Variants in SAMD12 observed in about 807,000 individuals in gnomAD.
SAMD12 encodes sterile alpha motif domain containing 12, also known as sterile alpha motif domain-containing protein 12.
In SAMD12, 9 loss-of-function variants were observed where a neutral mutation model predicts 15.0. The ratio of observed to expected loss-of-function variants is 0.60; its 90% CI spans 0.36 to 1.05. SAMD12 has a LOEUF of 1.05. Ranked by LOEUF, SAMD12 falls within the 50% of genes least tolerant of loss-of-function variation. The probability of loss-of-function intolerance (pLI) is 0.01; values close to 1 mark genes in which losing one functional copy is unlikely to be tolerated. For synonymous variants in SAMD12, 86 were observed against 90.1 expected, an observed-to-expected ratio of 0.96 and a Z score of 0.25; for missense variants, 230 against 234.2, an observed-to-expected ratio of 0.98 and a Z score of 0.12.
At chr8:118,482,271 A>T (rs536898803) in intron 2 of SAMD12, among the ~76,000 whole-genome samples, 1 of 152,336 alleles carries the variant, frequency 6.6e-6, no homozygotes, top group East Asian at 1.9e-4. Context: ...TAGTCATTTC[A>T]ATCTTTGCCC....
chr8:118,504,472 T>TG (rs1397711523), intron 2 of SAMD12, among the ~76,000 whole-genome samples: 1 of 152,116 alleles, frequency 6.6e-6, no homozygotes, highest in East Asian at 1.9e-4. Flanking sequence ...TCTAAAAGGT[T>TG]GGGGGTGACC....
chr8:118,297,090 C>A (rs3849851), intron 4 of SAMD12, among the ~76,000 whole-genome samples: 58,673 of 151,964 alleles, frequency 0.39, 14,148 homozygotes, highest in African/African-American at 0.69. Context: ...GATATATTAA[C>A]TATGAGGCCT....
intron 4 of SAMD12, among the ~76,000 whole-genome samples, chr8:118,371,297 G>T (rs1485261820): frequency 6.6e-6 from 1 of 152,172 alleles, no homozygotes; most frequent in African/African-American, 2.4e-5. Context: ...TCTGGCAATA[G>T]AAGTGGGAAG....
chr8:118,204,383 C>T (rs1044966077), intron 4 of SAMD12, among the ~76,000 whole-genome samples: 2 of 152,122 alleles, frequency 1.3e-5, no homozygotes, highest in African/African-American at 2.4e-5. Context: ...CGAAGAGAAG[C>T]GGGATCGGGA....
At chr8:118,384,690 T>C (rs1211865052) in intron 3 of SAMD12, among the ~76,000 whole-genome samples, 2 of 152,194 alleles carry the variant, frequency 1.3e-5, no homozygotes, top group African/African-American at 4.8e-5. Context: ...CTATTTTTTC[T>C]TTAGAGAGCA....
chr8:118,305,731 TG>T (rs1011609496), intron 4 of SAMD12, among the ~76,000 whole-genome samples: 1 of 152,192 alleles, frequency 6.6e-6, no homozygotes, highest in Admixed American at 6.5e-5. Flanking sequence ...AACTTGGGTT[TG>T]GGTGTTGCTC....
intron 2 of SAMD12, among the ~76,000 whole-genome samples, chr8:118,540,045 T>TAACTG (rs1182958507): frequency 3.9e-5 from 6 of 152,236 alleles, no homozygotes; most frequent in African/African-American, 1.4e-4. Context: ...TTGCTTATGT[T>TAACTG]AACTGGCAGG....
chr8:118,522,055 C>A (rs1308775631), intron 2 of SAMD12, among the ~76,000 whole-genome samples: 1 of 152,088 alleles, frequency 6.6e-6, no homozygotes, highest in African/African-American at 2.4e-5. Context: ...ACCATTCCCA[C>A]AATTGTGAGC....
In SAMD12 at chr8:118,486,303, C is replaced by T. The variant is rs1824281848; in HGVS notation, c.193-46342G>A. Reference sequence around the variant, plus strand: ...TAGTGGTGGGCGCCTGTAGTCCCAGCTACTCGGGAGGCTGAGGCAGGAGAA... The same window carrying T: ...TAGTGGTGGGCGCCTGTAGTCCCAGTTACTCGGGAGGCTGAGGCAGGAGAA... On this transcript the variant is annotated intron_variant, in intron 2 of 3. Coordinates refer to ENST00000314727, the MANE Select transcript of SAMD12 (RefSeq NM_207506.3). 2.0e-5 allele frequency among the ~76,000 whole-genome samples: 3 copies of T among 150,930 alleles called. No individual in the cohort carries two copies. In the South Asian group the frequency reaches 6.4e-4, roughly 32 times the overall value.
the SAMD12 span, among the ~76,000 whole-genome samples, chr8:118,174,677 A>G: frequency 6.6e-6 from 1 of 152,298 alleles, no homozygotes; most frequent in African/African-American, 2.4e-5. Flanking sequence ...AAGCAAGATA[A>G]AAAGGTAAAA....
chr8:118,392,269 A>G (rs1003494844), intron 3 of SAMD12, among the ~76,000 whole-genome samples: 3 of 152,134 alleles, frequency 2.0e-5, no homozygotes, highest in African/African-American at 7.2e-5. Flanking sequence ...CTACTAAAAT[A>G]CACACAAAAA....
chr8:118,131,923 T>C, the SAMD12 span, among the ~76,000 whole-genome samples: 1 of 152,310 alleles, frequency 6.6e-6, no homozygotes, highest in South Asian at 2.1e-4. Context: ...AGTTACATAG[T>C]ACTGTAGAAA....
At chr8:118,270,917 G>A (rs541962458) in intron 4 of SAMD12, among the ~76,000 whole-genome samples, 1 of 152,278 alleles carries the variant, frequency 6.6e-6, no homozygotes, top group African/African-American at 2.4e-5. Flanking sequence ...AACATGAGAA[G>A]TCCAAGGGGT....
At chr8:118,451,465 T>G (rs549151221) in intron 2 of SAMD12, among the ~76,000 whole-genome samples, 69 of 152,310 alleles carry the variant, frequency 4.5e-4, no homozygotes, top group African/African-American at 1.6e-3. Flanking sequence ...AATAGGGCAA[T>G]GCTAATCTCT....
At chr8:118,390,488 C>G (rs1315411947) in intron 3 of SAMD12, among the ~76,000 whole-genome samples, 2 of 152,122 alleles carry the variant, frequency 1.3e-5, no homozygotes, top group African/African-American at 4.8e-5. Flanking sequence ...TCTGAGCTAG[C>G]CCTTCATTTT....
chr8:118,151,910 T>G, the SAMD12 span, among the ~76,000 whole-genome samples: 1 of 147,226 alleles, frequency 6.8e-6, no homozygotes, highest in Admixed American at 6.8e-5. Flanking sequence ...TCTGGGGGAG[T>G]GCTGGGATAT....
chr8:118,524,532 A>G (rs1292218800), intron 2 of SAMD12, among the ~76,000 whole-genome samples: 4 of 152,048 alleles, frequency 2.6e-5, no homozygotes, highest in African/African-American at 9.7e-5. Flanking sequence ...TCCAGGCTTT[A>G]AATACCATTC....
At chr8:118,181,715 A>G in the SAMD12 span, among the ~76,000 whole-genome samples, 2 of 152,110 alleles carry the variant, frequency 1.3e-5, no homozygotes, top group Non-Finnish European at 2.9e-5. Context: ...CATCCAATAA[A>G]TCTTTCTCTT....
intron 3 of SAMD12, among the ~76,000 whole-genome samples, chr8:118,383,775 T>C (rs1819798418): frequency 6.6e-6 from 1 of 152,176 alleles, no homozygotes; most frequent in South Asian, 2.1e-4. Flanking sequence ...ACACTGCTCT[T>C]ACTCCCTGCC....
Sources: gnomAD v4.1 joint callset for allele counts (sites outside exome capture counted in the v4.1 genomes callset) on GRCh38, gnomAD v4.1.1 for gene constraint, MANE v1.5 for transcripts, NCBI Gene and HGNC (gene_info 2026-07-23, HGNC 2026-07-21) for gene names.